ATP5MG: variants seen among roughly 807,000 people sequenced by gnomAD.
ATP5MG encodes ATP synthase membrane subunit g.
In ATP5MG, 7 loss-of-function variants were observed where a neutral mutation model predicts 12.7. The ratio of observed to expected loss-of-function variants is 0.55; its 90% CI spans 0.31 to 1.04. ATP5MG has a LOEUF of 1.04. ATP5MG is among the 50% of genes least tolerant of loss of function. The probability of loss-of-function intolerance (pLI) is 0.05; values close to 1 mark genes in which losing one functional copy is unlikely to be tolerated. For synonymous variants in ATP5MG, 53 were observed against 48.2 expected (o/e 1.10, Z -0.41); for missense variants, 116 against 126.7 (o/e 0.92, Z 0.41).
chr11:118,406,798 A>G (rs1463384349), intron 1 of ATP5MG, 139 bp from the exon 2 acceptor site: 1 of 1,325,480 alleles, frequency 7.5e-7, no homozygotes, highest in East Asian at 2.5e-5. Context: ...TTGACTTTTC[A>G]CACCGGGTGC....
chr11:118,403,443 T>C (rs1318379716), intron 1 of ATP5MG, among the ~76,000 whole-genome samples: 8 of 141,990 alleles, frequency 5.6e-5, no homozygotes, highest in South Asian at 2.2e-4. Flanking sequence ...TTGCAGTGAG[T>C]CAGGATTGCA....
chr11:118,403,427 CGGA>C (rs1210290859), intron 1 of ATP5MG, among the ~76,000 whole-genome samples: 2 of 151,856 alleles, frequency 1.3e-5, no homozygotes, highest in Admixed American at 6.6e-5. Context: ...ACCCCGGAGG[CGGA>C]GGTTGCAGTG....
intron 1 of ATP5MG, chr11:118,402,005 C>G (rs1948931883): frequency 4.8e-6 from 2 of 420,360 alleles, no homozygotes; most frequent in Non-Finnish European, 4.3e-6. Context: ...CAGCTGCAAC[C>G]ATTACGCCCC....
intron 2 of ATP5MG, among the ~76,000 whole-genome samples, chr11:118,408,509 TAGTC>T (rs1380787451): frequency 1.3e-5 from 2 of 152,210 alleles, no homozygotes; most frequent in Non-Finnish European, 2.9e-5. Context: ...ACCAGATACT[TAGTC>T]AGAGTTAAGT....
intron 1 of ATP5MG, among the ~76,000 whole-genome samples, chr11:118,402,166 A>C (rs1252773895): frequency 6.6e-6 from 1 of 152,176 alleles, no homozygotes; most frequent in Non-Finnish European, 1.5e-5. Context: ...AGAAATGTTT[A>C]AGGATGGGTG....
In ATP5MG at chr11:118,409,515, A is replaced by G. The variant is rs1948999484; in HGVS notation, c.*417A>G. 6.6e-6 allele frequency: 1 copy of G among 152,368 alleles called. No individual in the cohort carries two copies. The highest frequency in any genetic ancestry group is 2.4e-5 in the African/African-American group (1 of 41,470). The allele number at this position is 152,368 out of a possible 1,614,324, so 9.4% of individuals were successfully genotyped here. On this transcript the variant is annotated 3_prime_UTR_variant, in exon 3 of 3. Transcript: ENST00000300688. ...ATGAATCATGTCAGTAGTTAGAATA[A>G]CATTTCAACTGTTTTCTTTGCTAAA...
intron 2 of ATP5MG, among the ~76,000 whole-genome samples, chr11:118,407,711 A>C (rs1948984581): frequency 6.6e-6 from 1 of 151,984 alleles, no homozygotes; most frequent in Non-Finnish European, 1.5e-5. Context: ...CTATCCAAAA[A>C]AGTGAAAAAA....
chr11:118,404,294 T>G (rs1948954703), intron 1 of ATP5MG, among the ~76,000 whole-genome samples: 1 of 152,218 alleles, frequency 6.6e-6, no homozygotes, highest in South Asian at 2.1e-4. Context: ...TTTTTTCCCT[T>G]AACTGTAGAC....
chr11:118,407,429 T>G (rs1948982623), intron 2 of ATP5MG: 1 of 218,232 alleles, frequency 4.6e-6, no homozygotes, highest in South Asian at 6.8e-5. Flanking sequence ...TTTTTTCATC[T>G]GGAGTCCTGA....
intron 1 of ATP5MG, among the ~76,000 whole-genome samples, chr11:118,404,637 T>C (rs1948957000): frequency 6.6e-6 from 1 of 152,238 alleles, no homozygotes; most frequent in African/African-American, 2.4e-5. Flanking sequence ...TCAGGAGGTA[T>C]ATGATATTCC....
chr11:118,408,930 AAT>A (rs373160251), intron 2 of ATP5MG, 68 bp from the exon 3 acceptor site: 10,621 of 389,532 alleles, frequency 0.027, no homozygotes, highest in South Asian at 0.048. Context: ...AATAGTTTCA[AAT>A]ATATATATAT....
At chr11:118,401,817 G>T in intron 1 of ATP5MG, 100 bp downstream of exon 1, 2 of 1,422,158 alleles carry the variant, frequency 1.4e-6, no homozygotes, top group Non-Finnish European at 1.9e-6. Context: ...CGAGGGGCCT[G>T]CGGGTGCCGG....
chr11:118,406,801 C>G lies in ATP5MG; in HGVS notation c.53-136C>G, dbSNP rs370739183. 1.9e-5 allele frequency: 25 copies of G among 1,335,072 alleles called. No individual in the cohort carries two copies. In the South Asian group the frequency reaches 2.6e-4, roughly 14 times the overall value. The allele number at this position is 1,335,072 out of a possible 1,614,324, so 82.7% of individuals were successfully genotyped here. On this transcript the variant is annotated intron_variant, in intron 1 of 2. Coordinates refer to ENST00000300688, the MANE Select transcript of ATP5MG (RefSeq NM_006476.5). ...CAGGGAGCAGCTTTGACTTTTCACACCGGGTGCACATTTGGTACAAGCAGT... is the reference window on the plus strand; with the variant it reads ...CAGGGAGCAGCTTTGACTTTTCACAGCGGGTGCACATTTGGTACAAGCAGT...
At chr11:118,401,901 C>G in intron 1 of ATP5MG, 184 bp downstream of exon 1, 1 of 654,336 alleles carries the variant, frequency 1.5e-6, no homozygotes, top group Non-Finnish European at 2.6e-6. Flanking sequence ...CTCGTCTGAC[C>G]TGCAGATTGG....
At position 118,401,629 on chromosome 11, in the gene ATP5MG, C is replaced by G. The variant is rs1555131042; in HGVS notation, c.-37C>G. ...GTCCTTCCGGCGGGTGACATTCAGC[C>G]GGCGGTTCGGGGCGACGGACTCTCC... On this transcript the variant is annotated 5_prime_UTR_variant, in exon 1 of 3. Transcript: ENST00000300688. 1 of 1,613,668 alleles carries G rather than the reference C, an allele frequency of 6.2e-7. No homozygotes were observed. The highest frequency in any genetic ancestry group is 1.6e-4 in the Middle Eastern group (1 of 6,062).
intron 1 of ATP5MG, among the ~76,000 whole-genome samples, chr11:118,403,666 G>C (rs1005457455): frequency 6.6e-6 from 1 of 151,064 alleles, no homozygotes; most frequent in South Asian, 2.1e-4. Context: ...GGTGGCAGGC[G>C]CCTATAATCC....
In ATP5MG at chr11:118,409,266, T is replaced by C; in HGVS notation, c.*168T>C. On this transcript the variant is annotated 3_prime_UTR_variant, in exon 3 of 3. Transcript: ENST00000300688. ...TTTCTCTTGATATTAAGCTGGGTTG[T>C]CTTTAAACAACCCTAAATACACGTC... 5.2e-6 allele frequency: 2 copies of C among 386,206 alleles called. No individual in the cohort carries two copies. The highest frequency in any genetic ancestry group is 9.7e-5 in the East Asian group (2 of 20,524). The allele number at this position is 386,206 out of a possible 1,614,324, so 23.9% of individuals were successfully genotyped here.
intron 1 of ATP5MG, chr11:118,405,545 T>A: frequency 1.7e-6 from 1 of 595,166 alleles, no homozygotes; most frequent in Non-Finnish European, 2.1e-6. Context: ...TTATGTACAG[T>A]ATACTGATTC....
At chr11:118,401,821 G>GT in intron 1 of ATP5MG, 104 bp downstream of exon 1, 1 of 1,399,272 alleles carries the variant, frequency 7.1e-7, no homozygotes, top group Non-Finnish European at 9.6e-7. Flanking sequence ...GGGCCTGCGG[G>GT]TGCCGGGGCG....
Sources: gnomAD v4.1 joint callset for allele counts (sites outside exome capture counted in the v4.1 genomes callset) on GRCh38, gnomAD v4.1.1 for gene constraint, MANE v1.5 for transcripts, NCBI Gene and HGNC (gene_info 2026-07-23, HGNC 2026-07-21) for gene names.